Variants in NKX1-2 observed in about 807,000 individuals in gnomAD.
NKX1-2 encodes NK1 transcription factor-related protein 2.
Under a neutral mutation model 4.4 loss-of-function variants are expected in NKX1-2, and 1 was observed. The observed-to-expected ratio is 0.23, with a 90% confidence interval of 0.08 to 1.08. NKX1-2 has a LOEUF of 1.08. Ranked by LOEUF, NKX1-2 falls within the 50% of genes least tolerant of loss-of-function variation. The pLI, the probability that NKX1-2 is intolerant of heterozygous loss-of-function variation, is 0.55. For missense variants in NKX1-2, 503 were observed against 464.6 expected (o/e 1.08, Z -0.76); for synonymous variants, 235 against 228.0 (o/e 1.03, Z -0.28).
Position 124,446,854 on chromosome 10 carries a change from C to T in NKX1-2, c.*575G>A, listed in dbSNP as rs1952241241. On this transcript the variant is annotated 3_prime_UTR_variant, in exon 2 of 2. Coordinates refer to ENST00000451024, the MANE Select transcript of NKX1-2 (RefSeq NM_001146340.3). ...TCCAGTCCGAATCTTAAGTAAAGAT[C>T]TAGAAATGTGGAGTTTTATGCATTT... The T allele has an allele frequency of 6.6e-6, 1 of 152,188 alleles. No individual in the cohort carries two copies. Among genetic ancestry groups the T allele is most frequent in the Non-Finnish European group, 1.5e-5 (1 of 68,048 alleles). 9.4% of individuals were successfully genotyped at this position (152,188 alleles called of 1,614,324 possible).
Position 124,449,611 on chromosome 10 carries a change from G to T in NKX1-2, c.214+119C>A. ...GGCTACACTTCGCACCCGGTCCCGT[G>T]CGCCTTCTCTCTGAGGAAGACGCTG... On this transcript the variant is annotated intron_variant, in intron 1 of 1. Transcript: ENST00000451024. This position sits in a 1 kb window ranked among gnomAD's most constrained non-coding sequence, Gnocchi z 7.5. 1 of 797,908 alleles carries T rather than the reference G, an allele frequency of 1.3e-6. No individual in the cohort carries two copies. The highest frequency in any genetic ancestry group is 2.1e-6 in the Non-Finnish European group (1 of 472,096). The allele number at this position is 797,908 out of a possible 1,614,324, so 49.4% of individuals were successfully genotyped here.
Position 124,447,778 on chromosome 10 carries a change from T to C in NKX1-2, c.584A>G (p.Asn195Ser), listed in dbSNP as rs1952256631. ...TRYLSVCERL[N>S]LALSLSLTET... ...GGTGAGGCTGAGAGACAGCGCGAGGTTCAGGCGCTCGCACACTGACAGGTA... is the reference window on the plus strand; with the variant it reads ...GGTGAGGCTGAGAGACAGCGCGAGGCTCAGGCGCTCGCACACTGACAGGTA... The change falls in exon 2 of 2, where the codon AAC (asparagine) becomes AGC (serine). Residue 195 changes from asparagine to serine, a missense_variant. Asn to Ser is a conservative substitution (Grantham distance 46, BLOSUM62 1). Transcript: ENST00000451024. The C allele has an allele frequency of 2.0e-6, 3 of 1,481,506 alleles. No individual in the cohort carries two copies. Among genetic ancestry groups the C allele is most frequent in the Non-Finnish European group, 2.7e-6 (3 of 1,109,764 alleles). The allele number at this position is 1,481,506 out of a possible 1,614,324, so 91.8% of individuals were successfully genotyped here.
rs1952281559 is a variant in NKX1-2 at position 124,450,010 on chromosome 10, C to G, written c.-67G>C. On this transcript the variant is annotated 5_prime_UTR_variant, in exon 1 of 2. Coordinates refer to ENST00000451024, the MANE Select transcript of NKX1-2 (RefSeq NM_001146340.3). ...GGATGGCGCCGCTCGGGCTTGCCTT[C>G]GGCTGTGGCTTGGCGGTAGCTTTCC... is the stretch of plus-strand genomic sequence containing the variant. 9.0e-7 allele frequency: 1 copy of G among 1,109,132 alleles called. No homozygotes were observed. Among genetic ancestry groups the G allele is most frequent in the Non-Finnish European group, 1.2e-6 (1 of 844,042 alleles). 68.7% of individuals were successfully genotyped at this position (1,109,132 alleles called of 1,614,324 possible).
chr10:124,449,843 G>C lies in NKX1-2; in HGVS notation c.101C>G (p.Ala34Gly). ...DILDPQKFTR[A>G]ALPAVRPAPR... ...AGCCGGGCGCACGGCAGGGAGCGCT[G>C]CGCGGGTGAATTTCTGTGGGTCCAG... is the stretch of plus-strand genomic sequence containing the variant. Residue 34 changes from alanine to glycine, a missense_variant, in exon 1 of 2, where the codon GCA becomes GGA. Ala to Gly is a moderately conservative substitution (Grantham distance 60, BLOSUM62 0). Transcript: ENST00000451024. The surrounding 1 kb of genome is among the most constrained non-coding windows in gnomAD (Gnocchi z 7.5). The C allele has an allele frequency of 6.4e-7, 1 of 1,551,684 alleles. No homozygotes were observed. Among genetic ancestry groups the C allele is most frequent in the Non-Finnish European group, 8.7e-7 (1 of 1,146,954 alleles).
Position 124,449,678 on chromosome 10 carries a change from C to T in NKX1-2, c.214+52G>A. Reference sequence around the variant, plus strand: ...GGGCCCGGCTGTTCCCCCATACACTCCGCATTGTTGGGGCTGAGGCCTCCT... The same window carrying T: ...GGGCCCGGCTGTTCCCCCATACACTTCGCATTGTTGGGGCTGAGGCCTCCT... On this transcript the variant is annotated intron_variant, in intron 1 of 1. Coordinates refer to ENST00000451024, the MANE Select transcript of NKX1-2 (RefSeq NM_001146340.3). This position sits in a 1 kb window ranked among gnomAD's most constrained non-coding sequence, Gnocchi z 7.5. The T allele has an allele frequency of 7.4e-7, 1 of 1,344,456 alleles. No individual in the cohort carries two copies. Among genetic ancestry groups the T allele is most frequent in the Non-Finnish European group, 1.0e-6 (1 of 961,668 alleles). The allele number at this position is 1,344,456 out of a possible 1,614,324, so 83.3% of individuals were successfully genotyped here. A position where few individuals can be genotyped will look rare whatever the true frequency, so the allele number is the denominator to read the frequency against.
chr10:124,448,163 T>C lies in NKX1-2; in HGVS notation c.215-16A>G. The C allele has an allele frequency of 7.0e-7, 1 of 1,436,610 alleles. No individual in the cohort carries two copies. The highest frequency in any genetic ancestry group is 1.4e-5 in the South Asian group (1 of 70,994). The allele number at this position is 1,436,610 out of a possible 1,614,324, so 89.0% of individuals were successfully genotyped here. ...CCCGCAGCATCTAGGGGAGAAGGGG[T>C]CGGTGAACAGAAGCCTCTCCAGGTC... On this transcript the variant is annotated splice_polypyrimidine_tract_variant and intron_variant, in intron 1 of 1. Coordinates refer to ENST00000451024, the MANE Select transcript of NKX1-2 (RefSeq NM_001146340.3). This position sits in a 1 kb window ranked among gnomAD's most constrained non-coding sequence, Gnocchi z 4.1.
In NKX1-2 at chr10:124,447,552, G is replaced by A; in HGVS notation, c.810C>T (p.Ser270=). The change falls in exon 2 of 2, where the codon TCC becomes TCT. Residue 270 remains serine, a synonymous_variant. Coordinates refer to ENST00000451024, the MANE Select transcript of NKX1-2 (RefSeq NM_001146340.3). ...CGGACGGGAAGAGGACATTGGCCGCGGAGTAGGAGGGGAAAGTCTGGAAGT... is the reference window on the plus strand; with the variant it reads ...CGGACGGGAAGAGGACATTGGCCGCAGAGTAGGAGGGGAAAGTCTGGAAGT... ...ALHFQTFPSY[S]AANVLFPSAA... The A allele has an allele frequency of 7.8e-7, 1 of 1,274,224 alleles. No homozygotes were observed. The highest frequency in any genetic ancestry group is 1.5e-5 in the African/African-American group (1 of 64,850). 78.9% of individuals were successfully genotyped at this position (1,274,224 alleles called of 1,614,324 possible). A position where few individuals can be genotyped will look rare whatever the true frequency, so the allele number is the denominator to read the frequency against.
Position 124,449,970 on chromosome 10 carries a change from G to A in NKX1-2, c.-27C>T, listed in dbSNP as rs1167376986. 2.0e-6 allele frequency: 3 copies of A among 1,502,566 alleles called. No individual in the cohort carries two copies. The highest frequency in any genetic ancestry group is 2.1e-5 in the Admixed American group (1 of 47,464). The allele number at this position is 1,502,566 out of a possible 1,614,324, so 93.1% of individuals were successfully genotyped here. On this transcript the variant is annotated 5_prime_UTR_variant, in exon 1 of 2. Coordinates refer to ENST00000451024, the MANE Select transcript of NKX1-2 (RefSeq NM_001146340.3). This position sits in a 1 kb window ranked among gnomAD's most constrained non-coding sequence, Gnocchi z 7.5. Reference sequence around the variant, plus strand: ...CCCGTCGCCCACGGGCCGGCGGTCGGCGGCGCGGGGTTGGGGATGGCGCCG... The same window carrying A: ...CCCGTCGCCCACGGGCCGGCGGTCGACGGCGCGGGGTTGGGGATGGCGCCG...
Position 124,445,632 on chromosome 10 carries a change from C to T in NKX1-2, c.*1797G>A, listed in dbSNP as rs192926118. On this transcript the variant is annotated 3_prime_UTR_variant, in exon 2 of 2. Transcript: ENST00000451024. ...AAATAGTTATTAAAGGAGTGTTTAC[C>T]GAAGTGTAAGGTGAATATTATCTAG... 5 of 152,048 alleles carry T rather than the reference C, an allele frequency of 3.3e-5. No individual in the cohort carries two copies. The highest frequency in any genetic ancestry group is 2.1e-4 in the South Asian group (1 of 4,816). 9.4% of individuals were successfully genotyped at this position (152,048 alleles called of 1,614,324 possible). A position where few individuals can be genotyped will look rare whatever the true frequency, so the allele number is the denominator to read the frequency against.
In NKX1-2 at chr10:124,447,326, C is replaced by G; in HGVS notation, c.*103G>C. The G allele has an allele frequency of 1.1e-6, 1 of 903,682 alleles. No individual in the cohort carries two copies. The highest frequency in any genetic ancestry group is 1.5e-6 in the Non-Finnish European group (1 of 675,480). 56.0% of individuals were successfully genotyped at this position (903,682 alleles called of 1,614,324 possible). A position where few individuals can be genotyped will look rare whatever the true frequency, so the allele number is the denominator to read the frequency against. ...CGGGTGCGCGCGGCGGGCAGGGGTG[C>G]GCTGACACCCGCGCACCTGCACCCC... is the stretch of plus-strand genomic sequence containing the variant. On this transcript the variant is annotated 3_prime_UTR_variant, in exon 2 of 2. Coordinates refer to ENST00000451024, the MANE Select transcript of NKX1-2 (RefSeq NM_001146340.3).
rs1952230675 is a variant in NKX1-2, at chr10:124,445,505, A to C, written c.*1924T>G. The C allele has an allele frequency of 6.6e-6, 1 of 152,254 alleles. No individual in the cohort carries two copies. Among genetic ancestry groups the C allele is most frequent in the Non-Finnish European group, 1.5e-5 (1 of 68,042 alleles). The allele number at this position is 152,254 out of a possible 1,614,324, so 9.4% of individuals were successfully genotyped here. A position where few individuals can be genotyped will look rare whatever the true frequency, so the allele number is the denominator to read the frequency against. ...TCTGGTACCTGAGAAGACTGGAATG[A>C]AATGTTTCCCATTTATTACAGAATT... On this transcript the variant is annotated 3_prime_UTR_variant, in exon 2 of 2. Coordinates refer to ENST00000451024, the MANE Select transcript of NKX1-2 (RefSeq NM_001146340.3).
Position 124,448,330 on chromosome 10 carries a change from T to C in NKX1-2, c.215-183A>G, listed in dbSNP as rs1156712041. The stretch of plus-strand genomic sequence containing the variant: ...GCGGGTTTAGGGGAATGGTGTCCTC[T>C]TGCCCTTTACAAATCTGCCATCAAG... On this transcript the variant is annotated intron_variant, in intron 1 of 1. Coordinates refer to ENST00000451024, the MANE Select transcript of NKX1-2 (RefSeq NM_001146340.3). The surrounding 1 kb of genome is among the most constrained non-coding windows in gnomAD (Gnocchi z 4.1). The C allele has an allele frequency of 1.3e-5, 13 of 1,014,106 alleles. No homozygotes were observed. Among genetic ancestry groups the C allele is most frequent in the Non-Finnish European group, 1.5e-5 (12 of 784,396 alleles). The allele number at this position is 1,014,106 out of a possible 1,614,324, so 62.8% of individuals were successfully genotyped here.
chr10:124,447,806 G>T lies in NKX1-2; in HGVS notation c.556C>A (p.Arg186Ser), dbSNP rs1952256954. ...AGGCGCTCGCACACTGACAGGTAGC[G>T]CGTGGCCCGGAACTTGTTCTCCAAG... is the stretch of plus-strand genomic sequence containing the variant. Reference protein sequence around the residue: ...VALENKFRATRYLSVCERLNL... With the variant: ...VALENKFRATSYLSVCERLNL... The change falls in exon 2 of 2, where the codon CGC becomes AGC. Residue 186 changes from arginine to serine, a missense_variant. Physicochemically the swap from Arg to Ser is moderately radical, Grantham distance 110. Transcript: ENST00000451024. 1.4e-6 allele frequency: 2 copies of T among 1,480,888 alleles called. No individual in the cohort carries two copies. The highest frequency in any genetic ancestry group is 1.8e-6 in the Non-Finnish European group (2 of 1,109,136). The allele number at this position is 1,480,888 out of a possible 1,614,324, so 91.7% of individuals were successfully genotyped here.
rs1021101453 is a variant in NKX1-2 at position 124,447,616 on chromosome 10, G to A, written c.746C>T (p.Ser249Leu). 46 of 1,279,584 alleles carry A rather than the reference G, an allele frequency of 3.6e-5. No homozygotes were observed. In the East Asian group the frequency reaches 1.2e-3, roughly 33 times the overall value. 79.3% of individuals were successfully genotyped at this position (1,279,584 alleles called of 1,614,324 possible). ...GAAGGGGGGG[S>L]GGSPGPPGTG... ...GCCGGGAGGGCCAGGACTGCCCCCCGAGCCGCCGCCGCCGCCGCCCCCCGC... is the reference window on the plus strand; with the variant it reads ...GCCGGGAGGGCCAGGACTGCCCCCCAAGCCGCCGCCGCCGCCGCCCCCCGC... Residue 249 changes from serine (S) to leucine (L), a missense_variant, in exon 2 of 2, where the codon TCG becomes TTG. Ser to Leu is a moderately radical substitution (Grantham distance 145, BLOSUM62 -2). Transcript: ENST00000451024.
Position 124,448,333 on chromosome 10 carries a change from C to T in NKX1-2, c.215-186G>A, listed in dbSNP as rs144747153. The T allele has an allele frequency of 2.6e-4, 254 of 984,676 alleles. No homozygotes were observed. The African/African-American group carries it at 3.2e-3, about 12-fold the overall frequency. 61.0% of individuals were successfully genotyped at this position (984,676 alleles called of 1,614,324 possible). Reference sequence around the variant, plus strand: ...GGTTTAGGGGAATGGTGTCCTCTTGCCCTTTACAAATCTGCCATCAAGTAG... The same window carrying T: ...GGTTTAGGGGAATGGTGTCCTCTTGTCCTTTACAAATCTGCCATCAAGTAG... On this transcript the variant is annotated intron_variant, in intron 1 of 1. Transcript: ENST00000451024. This position sits in a 1 kb window ranked among gnomAD's most constrained non-coding sequence, Gnocchi z 4.1.
rs943953695 is a variant in NKX1-2, at chr10:124,446,718, A to C, written c.*711T>G. 6.6e-6 allele frequency: 1 copy of C among 152,234 alleles called. No individual in the cohort carries two copies. Among genetic ancestry groups the C allele is most frequent in the African/African-American group, 2.4e-5 (1 of 41,458 alleles). 9.4% of individuals were successfully genotyped at this position (152,234 alleles called of 1,614,324 possible). On this transcript the variant is annotated 3_prime_UTR_variant, in exon 2 of 2. Coordinates refer to ENST00000451024, the MANE Select transcript of NKX1-2 (RefSeq NM_001146340.3). The stretch of plus-strand genomic sequence containing the variant: ...CGTGTCTACTTTAGCAGGTGAGTCT[A>C]GCTGCAAATCAGTCACCTTTCCTAC...
rs1952264720 is a variant in NKX1-2, at chr10:124,448,214, A to G, written c.215-67T>C. 1.0e-5 allele frequency: 14 copies of G among 1,365,998 alleles called. No homozygotes were observed. Among genetic ancestry groups the G allele is most frequent in the Non-Finnish European group, 1.3e-5 (14 of 1,064,096 alleles). 84.6% of individuals were successfully genotyped at this position (1,365,998 alleles called of 1,614,324 possible). On this transcript the variant is annotated intron_variant, in intron 1 of 1. Coordinates refer to ENST00000451024, the MANE Select transcript of NKX1-2 (RefSeq NM_001146340.3). This position sits in a 1 kb window ranked among gnomAD's most constrained non-coding sequence, Gnocchi z 4.1. ...CCCAAACCTCGTCCTCGTCCTCCCT[A>G]GAGCAAGCAGCTGTCCCCCCAACCC...
At position 124,449,439 on chromosome 10, in the gene NKX1-2, C is replaced by G; in HGVS notation, c.214+291G>C. On this transcript the variant is annotated intron_variant, in intron 1 of 1. Coordinates refer to ENST00000451024, the MANE Select transcript of NKX1-2 (RefSeq NM_001146340.3). This position sits in a 1 kb window ranked among gnomAD's most constrained non-coding sequence, Gnocchi z 7.5. ...ATTAAATGCCCGATAAATGAGTAAG[C>G]CTGGCAAGACAGGCGCCAGGTAAGT... is the stretch of plus-strand genomic sequence containing the variant. The G allele has an allele frequency of 1.5e-6, 1 of 660,422 alleles. No homozygotes were observed. The highest frequency in any genetic ancestry group is 2.8e-6 in the Non-Finnish European group (1 of 358,180). The allele number at this position is 660,422 out of a possible 1,614,324, so 40.9% of individuals were successfully genotyped here.
rs900937605 is a variant in NKX1-2 at position 124,447,378 on chromosome 10, G to A, written c.*51C>T. On this transcript the variant is annotated 3_prime_UTR_variant, in exon 2 of 2. Coordinates refer to ENST00000451024, the MANE Select transcript of NKX1-2 (RefSeq NM_001146340.3). ...GGTGGAGGAGCCGAGGGCACACGAC[G>A]ATGCCAATCCCTCGTGAATCCCGCG... 2.6e-6 allele frequency: 3 copies of A among 1,165,532 alleles called. No homozygotes were observed. Among genetic ancestry groups the A allele is most frequent in the Non-Finnish European group, 2.2e-6 (2 of 921,998 alleles). The allele number at this position is 1,165,532 out of a possible 1,614,324, so 72.2% of individuals were successfully genotyped here.
Sources: allele counts gnomAD v4.1 joint callset, GRCh38; gene constraint gnomAD v4.1.1; non-coding constraint Gnocchi (gnomAD v3.1); transcripts MANE v1.5; gene names NCBI Gene and HGNC (gene_info 2026-07-23, HGNC 2026-07-21).